Variants in FHAD1 observed in about 807,000 individuals in gnomAD.
FHAD1 encodes forkhead-associated domain-containing protein 1.
FHAD1 carries 146 observed loss-of-function variants against 191.3 expected under a neutral mutation model. That is an observed-to-expected ratio of 0.76 (90% CI 0.67 to 0.88). The LOEUF (loss-of-function observed/expected upper bound fraction) is 0.88, where lower values mean the gene tolerates loss of function less well. Ranked by LOEUF, FHAD1 falls within the 40% of genes least tolerant of loss-of-function variation. FHAD1 has a pLI of 0.00. For missense variants in FHAD1, 1,635 were observed against 1,785.8 expected (o/e 0.92, Z 1.52); for synonymous variants, 616 against 672.3 (o/e 0.92, Z 1.29).
chr1:15,367,128 C>A (rs1285352655), intron 24 of FHAD1, among the ~76,000 whole-genome samples: 1 of 152,140 alleles, frequency 6.6e-6, no homozygotes, highest in Non-Finnish European at 1.5e-5. Flanking sequence ...GGGCCCAATT[C>A]TATATCTGCT....
In FHAD1 at chr1:15,301,070, T is replaced by C. The variant is rs554449781; in HGVS notation, c.679-135T>C. On this transcript the variant is annotated intron_variant, in intron 5 of 33. Transcript: ENST00000688493. ...GTCTCGAACTCCTGACCTCAGGCGA[T>C]CCACCCATCTTGGCCTCCCATAGTG... 4 of 674,810 alleles carry C rather than the reference T, an allele frequency of 5.9e-6. No homozygotes were observed. The African/African-American group carries it at 7.3e-5, about 12-fold the overall frequency. 41.8% of individuals were successfully genotyped at this position (674,810 alleles called of 1,614,324 possible). A position where few individuals can be genotyped will look rare whatever the true frequency, so the allele number is the denominator to read the frequency against.
chr1:15,347,080 A>T (rs928369333), intron 18 of FHAD1, among the ~76,000 whole-genome samples: 4 of 152,204 alleles, frequency 2.6e-5, no homozygotes, highest in Non-Finnish European at 5.9e-5. Flanking sequence ...CTGACCCAGG[A>T]CAGAGAGACG....
chr1:15,388,172 C>T (rs1702646167), intron 32 of FHAD1, 41 bp downstream of exon 32: 1 of 1,210,964 alleles, frequency 8.3e-7, no homozygotes, highest in South Asian at 1.3e-5. Context: ...AGAGTAGAGA[C>T]AGTCTCAACT....
chr1:15,288,680 G>A (rs1663360782), intron 3 of FHAD1, among the ~76,000 whole-genome samples: 1 of 152,334 alleles, frequency 6.6e-6, no homozygotes, highest in Middle Eastern at 3.4e-3. Flanking sequence ...ACAGTGGTAA[G>A]GTAGATGAAA....
At chr1:15,385,813 C>T (rs761723127) in intron 31 of FHAD1, among the ~76,000 whole-genome samples, 1 of 152,182 alleles carries the variant, frequency 6.6e-6, no homozygotes, top group African/African-American at 2.4e-5. Context: ...TATACTAATA[C>T]CTCTGGCTGT....
Position 15,350,307 on chromosome 1 carries a change from A to T in FHAD1, c.2454+1158A>T, listed in dbSNP as rs560891353. On this transcript the variant is annotated intron_variant, in intron 19 of 33. Transcript: ENST00000688493. ...GCAGGGGCGGCTCCAGGGCCACAAG[A>T]CCAAAGCTGAGAAGCAGGCTGGAGA... Among the ~76,000 whole-genome samples, 4 of 152,298 alleles carry T rather than the reference A, an allele frequency of 2.6e-5. No homozygotes were observed. The East Asian group carries it at 7.7e-4, about 30-fold the overall frequency.
At chr1:15,391,034 G>A (rs145182117) in intron 32 of FHAD1, 176 bp from the exon 33 acceptor site, 251 of 272,916 alleles carry the variant, frequency 9.2e-4, no homozygotes, top group African/African-American at 5.4e-3. Flanking sequence ...CCTTCTCGTT[G>A]AGAAAATGGA....
rs957646725 is a variant in FHAD1 at position 15,329,635 on chromosome 1, G to A, written c.1906+94G>A. On this transcript the variant is annotated intron_variant, in intron 14 of 33. Transcript: ENST00000688493. The surrounding 1 kb of genome is among the most constrained non-coding windows in gnomAD (Gnocchi z 5.0). The stretch of plus-strand genomic sequence containing the variant: ...GGACATCTGTTGAGGAAGTCTTCCT[G>A]GGTATCTGGCCAAGTCTATTCCCTT... 40 of 1,218,482 alleles carry A rather than the reference G, an allele frequency of 3.3e-5. No individual in the cohort carries two copies. The African/African-American group carries it at 4.5e-4, about 14-fold the overall frequency. The allele number at this position is 1,218,482 out of a possible 1,614,324, so 75.5% of individuals were successfully genotyped here. A position where few individuals can be genotyped will look rare whatever the true frequency, so the allele number is the denominator to read the frequency against.
chr1:15,382,200 C>T lies in FHAD1; in HGVS notation c.4188+7C>T, dbSNP rs373563300. On this transcript the variant is annotated splice_region_variant and intron_variant, in intron 31 of 33. Coordinates refer to ENST00000688493, the MANE Select transcript of FHAD1 (RefSeq NM_001391957.1). ...GGCCATCCGGCAGCAGAAGGTGAGG[C>T]GCTGCTGCCCAGGGCAGAACCTCCC... 142 of 1,549,984 alleles carry T rather than the reference C, an allele frequency of 9.2e-5. No homozygotes were observed. Among genetic ancestry groups the T allele is most frequent in the African/African-American group, 2.3e-4 (17 of 72,954 alleles).
chr1:15,265,348 C>T (rs1652935473), intron 2 of FHAD1, among the ~76,000 whole-genome samples: 1 of 152,232 alleles, frequency 6.6e-6, no homozygotes, highest in Non-Finnish European at 1.5e-5. Context: ...ATAATAAAAA[C>T]AGAACAGCAG....
intron 6 of FHAD1, among the ~76,000 whole-genome samples, chr1:15,307,068 G>A (rs780579969): frequency 6.6e-6 from 1 of 152,198 alleles, no homozygotes; most frequent in Non-Finnish European, 1.5e-5. Flanking sequence ...AAGCCACAGG[G>A]ATGGAGCTGC....
intron 1 of FHAD1, among the ~76,000 whole-genome samples, chr1:15,239,254 G>C (rs1645101791): frequency 6.6e-6 from 1 of 152,078 alleles, no homozygotes; most frequent in Non-Finnish European, 1.5e-5. Context: ...TTGGCTGCAT[G>C]TCAGGTACTG....
At chr1:15,302,058 C>T (rs999290135) in intron 6 of FHAD1, among the ~76,000 whole-genome samples, 1 of 152,088 alleles carries the variant, frequency 6.6e-6, no homozygotes, top group African/African-American at 2.4e-5. Flanking sequence ...CCAGAGACAC[C>T]CAGGAACTGC....
chr1:15,377,711 AG>A (rs1300833533), intron 28 of FHAD1, among the ~76,000 whole-genome samples: 1 of 152,094 alleles, frequency 6.6e-6, no homozygotes, highest in East Asian at 1.9e-4. Flanking sequence ...TCATGCCTGT[AG>A]TCCCAGCTAC....
intron 3 of FHAD1, among the ~76,000 whole-genome samples, chr1:15,279,554 C>CAAAAA (rs57662759): frequency 4.1e-5 from 4 of 96,892 alleles, no homozygotes; most frequent in Non-Finnish European, 6.2e-5. Flanking sequence ...CCTTAAAACT[C>CAAAAA]AAAAAAAAAA....
At chr1:15,356,099 T>G (rs944381933) in intron 20 of FHAD1, among the ~76,000 whole-genome samples, 2 of 152,212 alleles carry the variant, frequency 1.3e-5, no homozygotes, top group African/African-American at 2.4e-5. Context: ...ATGACCAAGT[T>G]AGTGATTGAC....
At chr1:15,383,780 C>A (rs1265477091) in intron 31 of FHAD1, 3 of 371,948 alleles carry the variant, frequency 8.1e-6, no homozygotes, top group Middle Eastern at 3.7e-4. Context: ...AATAGCCCTG[C>A]CTGGTACGAT....
chr1:15,258,279 C>A (rs1649266568), intron 2 of FHAD1, among the ~76,000 whole-genome samples: 1 of 152,204 alleles, frequency 6.6e-6, no homozygotes, highest in Admixed American at 6.5e-5. Context: ...GTCTTTCTGA[C>A]AAAGTACTTT....
intron 14 of FHAD1, among the ~76,000 whole-genome samples, chr1:15,338,397 C>T (rs1455259343): frequency 1.3e-5 from 2 of 152,190 alleles, no homozygotes; most frequent in Non-Finnish European, 2.9e-5. Context: ...ATCTTCCAGT[C>T]TCTGCTTCCA....
Sources: allele counts gnomAD v4.1 joint callset (sites outside exome capture counted in the v4.1 genomes callset), GRCh38; gene constraint gnomAD v4.1.1; non-coding constraint Gnocchi (gnomAD v3.1); transcripts MANE v1.5; gene names NCBI Gene and HGNC (gene_info 2026-07-23, HGNC 2026-07-21).